Variants in TBC1D22A observed in about 807,000 individuals in gnomAD.
TBC1D22A encodes the protein putative GTPase activator.
A neutral mutation model predicts 60.2 loss-of-function variants in TBC1D22A; 38 were observed. That is an observed-to-expected ratio of 0.63 (90% CI 0.49 to 0.83). The LOEUF is 0.83. Among genes scored for constraint, TBC1D22A ranks in the 40% least tolerant of loss-of-function variants. The probability of loss-of-function intolerance (pLI) is 0.00; values close to 1 mark genes in which losing one functional copy is unlikely to be tolerated. For missense variants in TBC1D22A, 628 were observed against 701.0 expected (o/e 0.90, Z 1.18); for synonymous variants, 302 against 281.7 (o/e 1.07, Z -0.72).
chr22:46,983,802 T>C (rs969636413), intron 9 of TBC1D22A, among the ~76,000 whole-genome samples: 5 of 151,924 alleles, frequency 3.3e-5, no homozygotes, highest in African/African-American at 1.2e-4. Context: ...TTTCTTTCAG[T>C]GGTTTCATGG....
intron 4 of TBC1D22A, among the ~76,000 whole-genome samples, chr22:46,825,530 G>A (rs887501930): frequency 6.6e-6 from 1 of 152,224 alleles, no homozygotes; most frequent in African/African-American, 2.4e-5. Context: ...CTGGAGTGCA[G>A]TGGCACGATC....
intron 11 of TBC1D22A, among the ~76,000 whole-genome samples, chr22:47,050,579 G>A (rs112521198): frequency 3.3e-4 from 51 of 152,338 alleles, no homozygotes; most frequent in African/African-American, 1.2e-3. Context: ...TTGGGACCGC[G>A]TGTGAGGCCT....
At chr22:46,965,723 C>T (rs2073769977) in intron 8 of TBC1D22A, among the ~76,000 whole-genome samples, 1 of 152,244 alleles carries the variant, frequency 6.6e-6, no homozygotes, top group Admixed American at 6.5e-5. Context: ...GGCACGACGT[C>T]TGCCTCATCC....
intron 11 of TBC1D22A, among the ~76,000 whole-genome samples, chr22:47,080,268 G>C (rs1202992013): frequency 6.6e-6 from 1 of 152,176 alleles, no homozygotes; most frequent in African/African-American, 2.4e-5. Context: ...GAAGTAGCTT[G>C]CTTGATCTCA....
chr22:47,134,524 G>A (rs929984910), intron 12 of TBC1D22A, among the ~76,000 whole-genome samples: 2 of 152,220 alleles, frequency 1.3e-5, no homozygotes, highest in Non-Finnish European at 2.9e-5. Flanking sequence ...GCGAAACTTG[G>A]AGAGACAGAG....
At chr22:47,162,070 T>A (rs1391352601) in intron 12 of TBC1D22A, among the ~76,000 whole-genome samples, 1 of 152,218 alleles carries the variant, frequency 6.6e-6, no homozygotes, top group Non-Finnish European at 1.5e-5. Flanking sequence ...AAGAGCTCTT[T>A]CCATATGAAT....
At position 47,009,953 on chromosome 22, in the gene TBC1D22A, G is replaced by A. The variant is rs1223380010; in HGVS notation, c.1201+12244G>A. On this transcript the variant is annotated intron_variant, in intron 10 of 12. Coordinates refer to ENST00000337137, the MANE Select transcript of TBC1D22A (RefSeq NM_014346.5). The surrounding 1 kb of genome is among the most constrained non-coding windows in gnomAD (Gnocchi z 5.8). ...TGGCTGAGTCTGAGTCAGGGGCACCGAGGTGACAGTGGCCATTGTTATTAG... is the reference window on the plus strand; with the variant it reads ...TGGCTGAGTCTGAGTCAGGGGCACCAAGGTGACAGTGGCCATTGTTATTAG... Among the ~76,000 whole-genome samples, 1 of 152,234 alleles carries A rather than the reference G, an allele frequency of 6.6e-6. No homozygotes were observed. The highest frequency in any genetic ancestry group is 2.1e-4 in the South Asian group (1 of 4,828).
intron 7 of TBC1D22A, among the ~76,000 whole-genome samples, chr22:46,896,930 G>T (rs147807221): frequency 0.014 from 2,184 of 152,168 alleles, 40 homozygotes; most frequent in Admixed American, 0.056. Flanking sequence ...GGAAAGTTAG[G>T]GGTCAGAAAA....
At chr22:46,951,865 A>G (rs533389830) in intron 8 of TBC1D22A, among the ~76,000 whole-genome samples, 5 of 152,350 alleles carry the variant, frequency 3.3e-5, no homozygotes, top group Admixed American at 2.0e-4. Context: ...AGGTGATGAC[A>G]CCAGAGGCTC....
Position 46,912,114 on chromosome 22 carries a change from C to G in TBC1D22A, c.941C>G (p.Pro314Arg). The change falls in exon 8 of 13, where the codon CCA (proline) becomes CGA (arginine). Residue 314 changes from proline to arginine, a missense_variant. Physicochemically the swap from Pro to Arg is moderately radical, Grantham distance 103. Coordinates refer to ENST00000337137, the MANE Select transcript of TBC1D22A (RefSeq NM_014346.5). ...TTGTTCATATGGGCGATCCGCCACC[C>G]AGCCAGTGGATACGTTCAGGGTATA... is the stretch of plus-strand genomic sequence containing the variant. ...RILFIWAIRH[P>R]ASGYVQGIND... The G allele has an allele frequency of 6.2e-7, 1 of 1,614,020 alleles. No individual in the cohort carries two copies. The highest frequency in any genetic ancestry group is 8.5e-7 in the Non-Finnish European group (1 of 1,179,960).
chr22:47,057,125 C>T (rs775459302), intron 11 of TBC1D22A, among the ~76,000 whole-genome samples: 6 of 152,182 alleles, frequency 3.9e-5, no homozygotes, highest in Non-Finnish European at 7.3e-5. Flanking sequence ...TGTTGGATTC[C>T]GAGGCTGTTT....
At chr22:46,946,261 C>T (rs1382405202) in intron 8 of TBC1D22A, among the ~76,000 whole-genome samples, 1 of 152,214 alleles carries the variant, frequency 6.6e-6, no homozygotes, top group Non-Finnish European at 1.5e-5. Context: ...AACTGAACCA[C>T]GTTCCCATCC....
chr22:46,797,183 G>T (rs2084691046), intron 3 of TBC1D22A, among the ~76,000 whole-genome samples: 1 of 152,202 alleles, frequency 6.6e-6, no homozygotes, highest in Non-Finnish European at 1.5e-5. Flanking sequence ...AGCCCGAGGG[G>T]CCCTGGAGTT....
intron 8 of TBC1D22A, among the ~76,000 whole-genome samples, chr22:46,959,855 T>C (rs1196020011): frequency 6.6e-6 from 1 of 152,218 alleles, no homozygotes; most frequent in Non-Finnish European, 1.5e-5. Context: ...ATTTGCTTTT[T>C]TGACATTTAC....
chr22:46,812,932 C>T (rs1035881578), intron 4 of TBC1D22A, among the ~76,000 whole-genome samples: 3 of 152,150 alleles, frequency 2.0e-5, no homozygotes, highest in Admixed American at 6.5e-5. Context: ...ATCTTTGTGG[C>T]GTGTACGGTC....
Position 47,065,533 on chromosome 22 carries a change from C to G in TBC1D22A, c.1329+28335C>G, listed in dbSNP as rs577796106. On this transcript the variant is annotated intron_variant, in intron 11 of 12. Coordinates refer to ENST00000337137, the MANE Select transcript of TBC1D22A (RefSeq NM_014346.5). ...TTGGGGGGCAGGCCTGGCTCCCTGC[C>G]CCTCCCCTGCCTGCCCTTGGGGGAG... Among the ~76,000 whole-genome samples the G allele has an allele frequency of 5.6e-5, 3 of 53,464 alleles. No individual in the cohort carries two copies. In the East Asian group the frequency reaches 2.9e-3, roughly 51 times the overall value. 35.1% of individuals were successfully genotyped at this position (53,464 alleles called of 152,430 possible).
chr22:46,884,271 C>T (rs544875777), intron 5 of TBC1D22A, among the ~76,000 whole-genome samples: 75 of 152,134 alleles, frequency 4.9e-4, no homozygotes, highest in African/African-American at 1.7e-3. Context: ...CAGGGTGGGC[C>T]GCACTGAGGA....
chr22:46,769,481 G>C (rs967930260), intron 1 of TBC1D22A, among the ~76,000 whole-genome samples: 7 of 152,358 alleles, frequency 4.6e-5, no homozygotes, highest in African/African-American at 7.2e-5. Context: ...GCAGTCCCGG[G>C]ACCCTGGCAG....
chr22:46,763,414 T>TC (rs2083177324), intron 1 of TBC1D22A: 1 of 131,576 alleles, frequency 7.6e-6, no homozygotes, highest in Non-Finnish European at 1.6e-5. Context: ...TTTTTTTTTT[T>TC]TTTTTTTTTT....
Sources: allele counts gnomAD v4.1 joint callset (sites outside exome capture counted in the v4.1 genomes callset), GRCh38; gene constraint gnomAD v4.1.1; non-coding constraint Gnocchi (gnomAD v3.1); transcripts MANE v1.5; gene names NCBI Gene and HGNC (gene_info 2026-07-23, HGNC 2026-07-21).